CELF4: variants seen among roughly 807,000 people sequenced by gnomAD.
CELF4 encodes CUG-BP- and ETR-3-like factor 4.
A neutral mutation model predicts 59.9 loss-of-function variants in CELF4; 18 were observed. That is an observed-to-expected ratio of 0.30 (90% CI 0.21 to 0.45). The LOEUF (loss-of-function observed/expected upper bound fraction) is 0.45. Ranked by LOEUF, CELF4 falls within the 20% of genes least tolerant of loss-of-function variation. The probability of loss-of-function intolerance (pLI) is 1.00; values close to 1 mark genes in which losing one functional copy is unlikely to be tolerated. For synonymous variants in CELF4, 261 were observed against 267.1 expected, an observed-to-expected ratio of 0.98 and a Z score of 0.22; for missense variants, 456 against 689.0, an observed-to-expected ratio of 0.66 and a Z score of 3.79.
rs565647745 is a variant in CELF4, at chr18:37,281,686, T to A, written c.449-6443A>T. Among the ~76,000 whole-genome samples, 82 of 151,670 alleles carry A rather than the reference T, an allele frequency of 5.4e-4. 1 individual carries two copies. Among genetic ancestry groups the A allele is most frequent in the Middle Eastern group, 3.4e-3 (1 of 294 alleles). ...TGGAGGCCTCTTTCCTGCTTTGGAGTCTTTGGTCTTGGGGAGTGACAGGGA... is the reference window on the plus strand; with the variant it reads ...TGGAGGCCTCTTTCCTGCTTTGGAGACTTTGGTCTTGGGGAGTGACAGGGA... On this transcript the variant is annotated intron_variant, in intron 3 of 12. Coordinates refer to ENST00000420428, the MANE Select transcript of CELF4 (RefSeq NM_020180.4).
Position 37,283,751 on chromosome 18 carries a change from T to C in CELF4, c.449-8508A>G, listed in dbSNP as rs1487231119. ...CATGGAGTGATGAGCCCTGTAGGTA[T>C]GAGGGGCTGAGAAAGACCTAAAAGG... On this transcript the variant is annotated intron_variant, in intron 3 of 12. Transcript: ENST00000420428. Among the ~76,000 whole-genome samples the C allele has an allele frequency of 4.0e-5, 6 of 151,840 alleles. No homozygotes were observed. The East Asian group carries it at 1.2e-3, about 30-fold the overall frequency.
chr18:37,320,335 C>CAAAAA (rs397858112), intron 3 of CELF4, among the ~76,000 whole-genome samples: 2 of 65,260 alleles, frequency 3.1e-5, no homozygotes, highest in African/African-American at 5.9e-5. Flanking sequence ...GACTCCATCT[C>CAAAAA]AAAAAAAAAA....
At chr18:37,333,462 A>G (rs1170622356) in intron 2 of CELF4, among the ~76,000 whole-genome samples, 4 of 151,412 alleles carry the variant, frequency 2.6e-5, no homozygotes, top group African/African-American at 9.7e-5. Context: ...TTTGAGGAAT[A>G]CCTAACATTT....
chr18:37,455,904 G>A (rs1457718447), intron 2 of CELF4, among the ~76,000 whole-genome samples: 1 of 152,156 alleles, frequency 6.6e-6, no homozygotes, highest in Admixed American at 6.5e-5. Flanking sequence ...CCTTCCTTTG[G>A]AGCCTGTCTG....
chr18:37,453,211 T>C (rs1264049981), intron 2 of CELF4, among the ~76,000 whole-genome samples: 1 of 152,286 alleles, frequency 6.6e-6, no homozygotes, highest in African/African-American at 2.4e-5. Context: ...CTTCCTGGCC[T>C]GCAAAGGCAC....
At chr18:37,266,483 A>G in intron 9 of CELF4, 50 bp downstream of exon 9, 1 of 1,503,828 alleles carries the variant, frequency 6.6e-7, no homozygotes, top group Non-Finnish European at 9.1e-7. Flanking sequence ...ACAGGCGTGG[A>G]GAGATAAACG....
chr18:37,261,909 C>A (rs939691429), intron 10 of CELF4, among the ~76,000 whole-genome samples: 1 of 152,194 alleles, frequency 6.6e-6, no homozygotes, highest in African/African-American at 2.4e-5. Flanking sequence ...GGGAGGGGAC[C>A]ATGACATAAA....
intron 1 of CELF4, among the ~76,000 whole-genome samples, chr18:37,497,848 A>C (rs1480943753): frequency 6.6e-6 from 1 of 152,108 alleles, no homozygotes; most frequent in East Asian, 1.9e-4. Context: ...GTTTCGACTC[A>C]TTTAATGTAA....
intron 3 of CELF4, among the ~76,000 whole-genome samples, chr18:37,314,664 G>T (rs1453034833): frequency 2.8e-5 from 4 of 145,410 alleles, no homozygotes; most frequent in Non-Finnish European, 6.3e-5. Flanking sequence ...CCCTGCCAGG[G>T]CCCCCTTCCT....
At chr18:37,274,092 G>A (rs2092477726) in intron 6 of CELF4, 1 of 1,381,278 alleles carries the variant, frequency 7.2e-7, no homozygotes, top group Admixed American at 3.4e-5. Flanking sequence ...AACTAAGACA[G>A]CAGCCCACCT....
In CELF4 at chr18:37,243,218, T is replaced by A. The variant is rs2154234027; in HGVS notation, c.*2024A>T. On this transcript the variant is annotated 3_prime_UTR_variant, in exon 13 of 13. Coordinates refer to ENST00000420428, the MANE Select transcript of CELF4 (RefSeq NM_020180.4). Reference sequence around the variant, plus strand: ...TTTTTTTTTTTTTTACATCTGGACATCCTAAAAGGAGGAGTCAAGAGAAAA... The same window carrying A: ...TTTTTTTTTTTTTTACATCTGGACAACCTAAAAGGAGGAGTCAAGAGAAAA... 7.4e-6 allele frequency: 1 copy of A among 134,938 alleles called. No individual in the cohort carries two copies. The highest frequency in any genetic ancestry group is 7.7e-5 in the Admixed American group (1 of 13,048). 8.4% of individuals were successfully genotyped at this position (134,938 alleles called of 1,614,324 possible). A position where few individuals can be genotyped will look rare whatever the true frequency, so the allele number is the denominator to read the frequency against.
intron 1 of CELF4, among the ~76,000 whole-genome samples, chr18:37,550,080 G>GTGT (rs1268034346): frequency 1.9e-5 from 2 of 104,806 alleles, no homozygotes; most frequent in African/African-American, 8.7e-5. Flanking sequence ...GTGGTCCAAT[G>GTGT]GGTGGGGGGG....
rs182431031 is a variant in CELF4 at position 37,357,458 on chromosome 18, C to T, written c.370-35577G>A. Reference sequence around the variant, plus strand: ...AGATTTCAGAAGATGTATGGAAACGCGTGGATGCCCAGGCGGAAGTTTGCT... The same window carrying T: ...AGATTTCAGAAGATGTATGGAAACGTGTGGATGCCCAGGCGGAAGTTTGCT... On this transcript the variant is annotated intron_variant, in intron 2 of 12. Transcript: ENST00000420428. Among the ~76,000 whole-genome samples, 15 of 152,312 alleles carry T rather than the reference C, an allele frequency of 9.8e-5. No individual in the cohort carries two copies. The South Asian group carries it at 1.0e-3, about 11-fold the overall frequency.
At chr18:37,352,417 A>G (rs1603624804) in intron 2 of CELF4, among the ~76,000 whole-genome samples, 1 of 151,982 alleles carries the variant, frequency 6.6e-6, no homozygotes, top group African/African-American at 2.4e-5. Context: ...GTGAGGCGGG[A>G]GGATCACTTG....
chr18:37,274,741 T>G, intron 5 of CELF4, 64 bp downstream of exon 5: 1 of 1,511,674 alleles, frequency 6.6e-7, no homozygotes, highest in Non-Finnish European at 8.8e-7. Context: ...CGGCGGGGCG[T>G]GGCGGGTGCT....
intron 2 of CELF4, among the ~76,000 whole-genome samples, chr18:37,470,994 G>A (rs2099823697): frequency 6.6e-6 from 1 of 151,786 alleles, no homozygotes; most frequent in Non-Finnish European, 1.5e-5. Context: ...GTGAGATGAG[G>A]TGGTTTGGAA....
intron 1 of CELF4, among the ~76,000 whole-genome samples, chr18:37,565,122 GCT>G (rs1186882944): frequency 6.6e-6 from 1 of 152,064 alleles, no homozygotes; most frequent in Non-Finnish European, 1.5e-5. Flanking sequence ...GGCGCCCGCT[GCT>G]CTCTCCATGG....
At chr18:37,280,155 C>T (rs78404461) in intron 3 of CELF4, among the ~76,000 whole-genome samples, 4,721 of 152,264 alleles carry the variant, frequency 0.031, 239 homozygotes, top group African/African-American at 0.11. Flanking sequence ...CTCACCACCC[C>T]ACCTGCGCAG....
At chr18:37,479,487 C>T (rs1197625918) in intron 2 of CELF4, among the ~76,000 whole-genome samples, 4 of 152,292 alleles carry the variant, frequency 2.6e-5, no homozygotes, top group South Asian at 2.1e-4. Flanking sequence ...GTAGCATCTC[C>T]AATGTCAAAT....
Sources: gnomAD v4.1 joint callset for allele counts (sites outside exome capture counted in the v4.1 genomes callset) on GRCh38, gnomAD v4.1.1 for gene constraint, MANE v1.5 for transcripts, NCBI Gene and HGNC (gene_info 2026-07-23, HGNC 2026-07-21) for gene names.